SPG21: variants seen among roughly 807,000 people sequenced by gnomAD.
SPG21 encodes maspardin.
In SPG21, 26 loss-of-function variants were observed where a neutral mutation model predicts 38.9. The ratio of observed to expected loss-of-function variants is 0.67; its 90% CI spans 0.49 to 0.93. The LOEUF (loss-of-function observed/expected upper bound fraction) is 0.93, where lower values mean the gene tolerates loss of function less well. Among genes scored for constraint, SPG21 ranks in the 40% least tolerant of loss-of-function variants. The pLI is 0.00. For missense variants in SPG21, 333 were observed against 376.5 expected (o/e 0.88, Z 0.96); for synonymous variants, 136 against 128.9 (o/e 1.05, Z -0.37).
At chr15:64,964,868 G>C (rs2085513207) in intron 8 of SPG21, among the ~76,000 whole-genome samples, 1 of 152,120 alleles carries the variant, frequency 6.6e-6, no homozygotes, top group African/African-American at 2.4e-5. Context: ...CTGACCTTGT[G>C]ATCTGCCTGC....
In SPG21 at chr15:64,980,983, CAT is replaced by C; in HGVS notation, c.104_105del (p.Tyr35Ter). On this transcript the variant is annotated frameshift_variant, in exon 3 of 9. Transcript: ENST00000204566. LOFTEE classifies it high-confidence loss of function. ...DDDDSKIWSLYDAGPRSIRCP... is the reference protein window; with the variant it reads ...DDDDSKIWSLXDAGPRSIRCP... Reference sequence around the variant, plus strand: ...CACCTGATACTTCGGGGGCCCGCGTCATAGAGCGACCATATCTTACTGTCATC... The same window carrying C: ...CACCTGATACTTCGGGGGCCCGCGTCAGAGCGACCATATCTTACTGTCATC... 6.2e-7 allele frequency: 1 copy of C among 1,614,122 alleles called. No homozygotes were observed. The highest frequency in any genetic ancestry group is 8.5e-7 in the Non-Finnish European group (1 of 1,180,016).
intron 3 of SPG21, among the ~76,000 whole-genome samples, chr15:64,976,912 C>T (rs913367836): frequency 3.3e-5 from 5 of 152,214 alleles, no homozygotes; most frequent in African/African-American, 1.2e-4. Flanking sequence ...AATCTAATTT[C>T]ATTCAGAATT....
At chr15:64,984,573 G>C (rs577520913) in intron 1 of SPG21, among the ~76,000 whole-genome samples, 1 of 151,978 alleles carries the variant, frequency 6.6e-6, no homozygotes, top group African/African-American at 2.4e-5. Flanking sequence ...CACTGGTCTC[G>C]AATTCCTAGG....
chr15:64,974,752 T>G lies in SPG21; in HGVS notation c.307-5A>C. The G allele has an allele frequency of 6.2e-7, 1 of 1,614,100 alleles. No individual in the cohort carries two copies. Among genetic ancestry groups the G allele is most frequent in the South Asian group, 1.1e-5 (1 of 91,086 alleles). Reference sequence around the variant, plus strand: ...AGAAGCGCCAAAAAGATGAACCTAATTATAAACAAATATAAGGCAGATTCT... The same window carrying G: ...AGAAGCGCCAAAAAGATGAACCTAAGTATAAACAAATATAAGGCAGATTCT... On this transcript the variant is annotated splice_region_variant and splice_polypyrimidine_tract_variant and intron_variant, in intron 4 of 8. Coordinates refer to ENST00000204566, the MANE Select transcript of SPG21 (RefSeq NM_016630.7).
intron 3 of SPG21, among the ~76,000 whole-genome samples, chr15:64,977,548 T>G (rs565817569): frequency 6.6e-6 from 1 of 152,068 alleles, no homozygotes; most frequent in East Asian, 1.9e-4. Flanking sequence ...TACTTTTTTG[T>G]AGAAATGGGG....
intron 2 of SPG21, among the ~76,000 whole-genome samples, chr15:64,982,127 T>TTTTTC (rs796726078): frequency 6.2e-5 from 9 of 146,198 alleles, no homozygotes; most frequent in African/African-American, 2.0e-4. Flanking sequence ...CCACTCACAT[T>TTTTTC]TTTTCTTTTC....
chr15:64,963,517 T>G lies in SPG21; in HGVS notation c.*103A>C. 1.1e-6 allele frequency: 1 copy of G among 893,168 alleles called. No homozygotes were observed. Among genetic ancestry groups the G allele is most frequent in the Non-Finnish European group, 1.9e-6 (1 of 537,022 alleles). The allele number at this position is 893,168 out of a possible 1,614,324, so 55.3% of individuals were successfully genotyped here. ...ACTTCCCAGACACAGTGAGAACCGGTGAGCCTGACGAACCTGAAGGAAAAG... is the reference window on the plus strand; with the variant it reads ...ACTTCCCAGACACAGTGAGAACCGGGGAGCCTGACGAACCTGAAGGAAAAG... On this transcript the variant is annotated 3_prime_UTR_variant, in exon 9 of 9. Transcript: ENST00000204566.
intron 2 of SPG21, chr15:64,983,125 G>T (rs1056054027): frequency 6.9e-6 from 2 of 290,650 alleles, no homozygotes; most frequent in Non-Finnish European, 1.4e-5. Context: ...GAGTGTGGTA[G>T]CGCATGCCTG....
chr15:64,989,881 C>CGCCCGACCGCCGCGCTCCCCCG lies in SPG21; in HGVS notation c.-242_-241insCGGGGGAGCGCGGCGGTCGGGC, dbSNP rs1311366976. 1 of 152,034 alleles carries CGCCCGACCGCCGCGCTCCCCCG rather than the reference C, an allele frequency of 6.6e-6. No individual in the cohort carries two copies. The highest frequency in any genetic ancestry group is 2.4e-5 in the African/African-American group (1 of 41,412). 9.4% of individuals were successfully genotyped at this position (152,034 alleles called of 1,614,324 possible). ...CGAGCTTGGGCCGCCGCGCTCCCCCCGCCCGACCGCCGCTCAGCTGGCGCG... is the reference window on the plus strand; with the variant it reads ...CGAGCTTGGGCCGCCGCGCTCCCCCCGCCCGACCGCCGCGCTCCCCCGGCCCGACCGCCGCTCAGCTGGCGCG... On this transcript the variant is annotated 5_prime_UTR_variant, in exon 1 of 9. Coordinates refer to ENST00000204566, the MANE Select transcript of SPG21 (RefSeq NM_016630.7).
rs1555399696 is a variant in SPG21, at chr15:64,969,685, TTG to T, written c.562-325_562-324del. Among the ~76,000 whole-genome samples the T allele has an allele frequency of 0.058, 2,409 of 41,310 alleles. 24 individuals carry two copies. The highest frequency in any genetic ancestry group is 0.12 in the Non-Finnish European group (1,299 of 11,050). 27.1% of individuals were successfully genotyped at this position (41,310 alleles called of 152,430 possible). ...GCTCAAAGGTGACAGATATATGTTT[TTG>T]TTTTTTTTTTTTTTTTAAGATAAAC... On this transcript the variant is annotated intron_variant, in intron 6 of 8. Coordinates refer to ENST00000204566, the MANE Select transcript of SPG21 (RefSeq NM_016630.7).
At chr15:64,970,038 G>C in intron 6 of SPG21, 76 bp downstream of exon 6, 3 of 1,163,992 alleles carry the variant, frequency 2.6e-6, no homozygotes, top group East Asian at 2.3e-5. Context: ...TTGTGAGACA[G>C]ATCTATCTTC....
chr15:64,969,162 G>A, intron 7 of SPG21, 93 bp downstream of exon 7: 2 of 881,950 alleles, frequency 2.3e-6, no homozygotes, highest in Non-Finnish European at 1.9e-6. Flanking sequence ...CATTTGAAGA[G>A]GTACATTGAA....
intron 4 of SPG21, among the ~76,000 whole-genome samples, chr15:64,975,617 C>T (rs975384508): frequency 6.6e-6 from 1 of 151,786 alleles, no homozygotes; most frequent in Non-Finnish European, 1.5e-5. Flanking sequence ...TAAACACATA[C>T]CTAAGAGAAC....
chr15:64,971,842 A>AT (rs1267619127), intron 5 of SPG21, among the ~76,000 whole-genome samples: 1 of 151,592 alleles, frequency 6.6e-6, no homozygotes, highest in Admixed American at 6.6e-5. Context: ...AAAAAAGAAA[A>AT]TTTTTTTTCT....
rs1320955857 is a variant in SPG21 at position 64,963,266 on chromosome 15, G to A, written c.*354C>T. Reference sequence around the variant, plus strand: ...AACATAAAAAGAAAGAAAGAAGAATGGAAAAGAAAAGAAGAAAAAAACCAC... The same window carrying A: ...AACATAAAAAGAAAGAAAGAAGAATAGAAAAGAAAAGAAGAAAAAAACCAC... On this transcript the variant is annotated 3_prime_UTR_variant, in exon 9 of 9. Transcript: ENST00000204566. 1 of 217,046 alleles carries A rather than the reference G, an allele frequency of 4.6e-6. No individual in the cohort carries two copies. The highest frequency in any genetic ancestry group is 2.3e-5 in the African/African-American group (1 of 43,104). 13.4% of individuals were successfully genotyped at this position (217,046 alleles called of 1,614,324 possible).
chr15:64,978,983 C>A (rs1417518353), intron 3 of SPG21, among the ~76,000 whole-genome samples: 2 of 152,070 alleles, frequency 1.3e-5, no homozygotes, highest in African/African-American at 4.8e-5. Flanking sequence ...TCTACAATTA[C>A]AACAACAAAA....
intron 4 of SPG21, among the ~76,000 whole-genome samples, chr15:64,975,793 A>ATTCCGGCTTCAACATGAATGAACATG (rs1281358430): frequency 1.1e-4 from 16 of 152,204 alleles, no homozygotes; most frequent in Non-Finnish European, 2.2e-4. Context: ...GAAACGAAGT[A>ATTCCGGCTTCAACATGAATGAACATG]TTGATTCCGG....
chr15:64,983,380 G>A (rs1423610495), intron 2 of SPG21, 127 bp downstream of exon 2: 1 of 700,962 alleles, frequency 1.4e-6, no homozygotes, highest in African/African-American at 1.8e-5. Context: ...TTAATCCTCT[G>A]CAACCCACAG....
chr15:64,981,282 C>G (rs1595878121), intron 2 of SPG21: 1 of 425,744 alleles, frequency 2.3e-6, no homozygotes, highest in East Asian at 4.9e-5. Flanking sequence ...GTTTCTTCCC[C>G]CTCCTCCTTT....
Sources: gnomAD v4.1 joint callset for allele counts (sites outside exome capture counted in the v4.1 genomes callset) on GRCh38, gnomAD v4.1.1 for gene constraint, MANE v1.5 for transcripts, NCBI Gene and HGNC (gene_info 2026-07-23, HGNC 2026-07-21) for gene names.